Variants in BMP7 observed in about 807,000 individuals in gnomAD.
The protein encoded by BMP7 is osteogenic protein 1.
In BMP7, 12 loss-of-function variants were observed where a neutral mutation model predicts 41.2. The ratio of observed to expected loss-of-function variants is 0.29; its 90% CI spans 0.19 to 0.47. BMP7 has a LOEUF of 0.47. Among genes scored for constraint, BMP7 ranks in the 20% least tolerant of loss-of-function variants. The pLI is 0.99. For synonymous variants in BMP7, 248 were observed against 250.0 expected, an observed-to-expected ratio of 0.99 and a Z score of 0.07; for missense variants, 467 against 606.0, an observed-to-expected ratio of 0.77 and a Z score of 2.41.
chr20:57,198,554 C>T (rs2123085029), intron 3 of BMP7, among the ~76,000 whole-genome samples: 1 of 152,348 alleles, frequency 6.6e-6, no homozygotes, highest in East Asian at 1.9e-4. Flanking sequence ...CGAGGGCACG[C>T]TGGCCTGGAG....
intron 2 of BMP7, among the ~76,000 whole-genome samples, chr20:57,216,591 C>T (rs147115441): frequency 2.7e-4 from 36 of 134,012 alleles, no homozygotes; most frequent in South Asian, 4.5e-4. Flanking sequence ...CTCTTGAGGG[C>T]GAGGGGCTGT....
intron 3 of BMP7, among the ~76,000 whole-genome samples, chr20:57,184,179 G>C (rs982548594): frequency 6.6e-6 from 1 of 152,154 alleles, no homozygotes; most frequent in African/African-American, 2.4e-5. Flanking sequence ...TAAGGGGTGG[G>C]GAACCAGGCT....
At chr20:57,257,695 G>C (rs111981120) in intron 1 of BMP7, among the ~76,000 whole-genome samples, 1 of 151,868 alleles carries the variant, frequency 6.6e-6, no homozygotes, top group African/African-American at 2.4e-5. Flanking sequence ...TATGTGCACC[G>C]AAACAACCAA....
chr20:57,225,108 G>A (rs1480297728), intron 2 of BMP7, among the ~76,000 whole-genome samples: 1 of 152,224 alleles, frequency 6.6e-6, no homozygotes, highest in Admixed American at 6.5e-5. Context: ...GCAGGCTCTG[G>A]GCTCCCCCGG....
At chr20:57,189,794 C>T (rs1984307453) in intron 3 of BMP7, among the ~76,000 whole-genome samples, 1 of 152,202 alleles carries the variant, frequency 6.6e-6, no homozygotes, top group Non-Finnish European at 1.5e-5. Flanking sequence ...TTATTGAGCA[C>T]CTACTGTGTG....
Position 57,228,557 on chromosome 20 carries a change from C to T in BMP7, c.419-136G>A. On this transcript the variant is annotated intron_variant, in intron 1 of 6. Coordinates refer to ENST00000395863, the MANE Select transcript of BMP7 (RefSeq NM_001719.3). The surrounding 1 kb of genome is among the most constrained non-coding windows in gnomAD (Gnocchi z 4.5). ...TTGCCAGTGACCCCAGTGACAACTG[C>T]TCCTTCCTCACCAACACACTGTAGA... 8 of 1,029,456 alleles carry T rather than the reference C, an allele frequency of 7.8e-6. No individual in the cohort carries two copies. The highest frequency in any genetic ancestry group is 1.2e-5 in the Non-Finnish European group (8 of 667,316). The allele number at this position is 1,029,456 out of a possible 1,614,324, so 63.8% of individuals were successfully genotyped here.
At chr20:57,263,161 C>T (rs2066160543) in intron 1 of BMP7, among the ~76,000 whole-genome samples, 1 of 152,192 alleles carries the variant, frequency 6.6e-6, no homozygotes, top group South Asian at 2.1e-4. Flanking sequence ...AAAACAAGGT[C>T]AGTGCGCTCT....
intron 3 of BMP7, among the ~76,000 whole-genome samples, chr20:57,192,249 A>G (rs544737424): frequency 7.6e-6 from 1 of 131,426 alleles, no homozygotes; most frequent in Admixed American, 8.5e-5. Flanking sequence ...TATATAGCAT[A>G]TATACTATAG....
At chr20:57,184,932 A>G (rs959962342) in intron 3 of BMP7, among the ~76,000 whole-genome samples, 17 of 152,150 alleles carry the variant, frequency 1.1e-4, no homozygotes, top group Non-Finnish European at 2.2e-4. Flanking sequence ...ATAAAGCCCT[A>G]TTGTTTCAAG....
At chr20:57,180,087 C>T (rs1191326170) in intron 4 of BMP7, among the ~76,000 whole-genome samples, 1 of 152,132 alleles carries the variant, frequency 6.6e-6, no homozygotes, top group Non-Finnish European at 1.5e-5. Flanking sequence ...GATGATCTGC[C>T]ACATCCTCTA....
At position 57,202,545 on chromosome 20, in the gene BMP7, G is replaced by A; in HGVS notation, c.690C>T (p.Ala230=). The A allele has an allele frequency of 2.5e-6, 4 of 1,611,458 alleles. No individual in the cohort carries two copies. The highest frequency in any genetic ancestry group is 1.7e-4 in the Middle Eastern group (1 of 6,060). The change falls in exon 3 of 7, where the codon GCC becomes GCT. Residue 230 remains alanine, a synonymous_variant. Transcript: ENST00000395863. ...EEGWLVFDIT[A]TSNHWVVNPR... is the part of the protein sequence containing the mutation. Reference sequence around the variant, plus strand: ...GATTGACCACCCAGTGGTTGCTGGTGGCTGTGATGTCAAACACCAGCCAGC... The same window carrying A: ...GATTGACCACCCAGTGGTTGCTGGTAGCTGTGATGTCAAACACCAGCCAGC...
rs181116406 is a variant in BMP7 at position 57,201,563 on chromosome 20, G to A, written c.760+912C>T. 3.3e-5 allele frequency among the ~76,000 whole-genome samples: 5 copies of A among 152,392 alleles called. No individual in the cohort carries two copies. The East Asian group carries it at 7.7e-4, about 23-fold the overall frequency. Reference sequence around the variant, plus strand: ...GAAGTGGAACTCAGCAGCTGGAGAAGAAAGTGGGAGGGAAACTATTTAGTG... The same window carrying A: ...GAAGTGGAACTCAGCAGCTGGAGAAAAAAGTGGGAGGGAAACTATTTAGTG... On this transcript the variant is annotated intron_variant, in intron 3 of 6. Transcript: ENST00000395863.
chr20:57,263,237 G>C (rs1191512618), intron 1 of BMP7, among the ~76,000 whole-genome samples: 1 of 152,190 alleles, frequency 6.6e-6, no homozygotes, highest in Non-Finnish European at 1.5e-5. Flanking sequence ...AGAAAGTCAG[G>C]GTCCCACAAA....
chr20:57,213,138 C>T lies in BMP7; in HGVS notation c.612-10515G>A, dbSNP rs892321850. ...GGCCACCCACGGCCCTCTCACCCAC[C>T]CCACGGCTGTCTGTCTCCCTCTGGG... is the stretch of plus-strand genomic sequence containing the variant. On this transcript the variant is annotated intron_variant, in intron 2 of 6. Transcript: ENST00000395863. This position sits in a 1 kb window ranked among gnomAD's most constrained non-coding sequence, Gnocchi z 4.4. Among the ~76,000 whole-genome samples the T allele has an allele frequency of 2.6e-5, 4 of 152,334 alleles. No individual in the cohort carries two copies. The South Asian group carries it at 8.3e-4, about 32-fold the overall frequency.
At chr20:57,189,038 G>C (rs537753543) in intron 3 of BMP7, among the ~76,000 whole-genome samples, 6 of 152,278 alleles carry the variant, frequency 3.9e-5, no homozygotes, top group Admixed American at 6.5e-5. Context: ...TCCCCAGAAG[G>C]GGGTGGGACC....
intron 3 of BMP7, among the ~76,000 whole-genome samples, chr20:57,200,299 A>T (rs890541174): frequency 6.6e-6 from 1 of 152,236 alleles, no homozygotes; most frequent in African/African-American, 2.4e-5. Flanking sequence ...AAGGCCGGAA[A>T]TAGCAGGGCT....
chr20:57,262,428 G>A (rs1052209102), intron 1 of BMP7, among the ~76,000 whole-genome samples: 6 of 152,110 alleles, frequency 3.9e-5, no homozygotes, highest in Non-Finnish European at 4.4e-5. Flanking sequence ...CATAAGGTGC[G>A]GCCTTTAGTC....
At chr20:57,185,072 C>A (rs1984179336) in intron 3 of BMP7, among the ~76,000 whole-genome samples, 1 of 152,102 alleles carries the variant, frequency 6.6e-6, no homozygotes, top group Non-Finnish European at 1.5e-5. Context: ...CCCTGGAGAG[C>A]CGATGGCAGG....
chr20:57,198,180 T>C (rs1345371156), intron 3 of BMP7, among the ~76,000 whole-genome samples: 1 of 110,810 alleles, frequency 9.0e-6, no homozygotes, highest in Non-Finnish European at 1.8e-5. Context: ...CCTCTCGCTC[T>C]CCTCTCCCCC....
Sources: allele counts gnomAD v4.1 joint callset (sites outside exome capture counted in the v4.1 genomes callset), GRCh38; gene constraint gnomAD v4.1.1; non-coding constraint Gnocchi (gnomAD v3.1); transcripts MANE v1.5; gene names NCBI Gene and HGNC (gene_info 2026-07-23, HGNC 2026-07-21).